The following CRIM1 variants were observed in gnomAD, a reference collection of about 807,000 sequenced individuals.
The protein encoded by CRIM1 is cysteine-rich motor neuron 1 protein.
A neutral mutation model predicts 116.4 loss-of-function variants in CRIM1; 32 were observed. The ratio of observed to expected loss-of-function variants is 0.27; its 90% CI spans 0.21 to 0.37. The LOEUF (loss-of-function observed/expected upper bound fraction) is 0.37. Ranked by LOEUF, CRIM1 falls within the 10% of genes least tolerant of loss-of-function variation. The probability of loss-of-function intolerance (pLI) is 1.00; values close to 1 mark genes in which losing one functional copy is unlikely to be tolerated. For synonymous variants in CRIM1, 590 were observed against 509.2 expected (o/e 1.16, Z -2.13); for missense variants, 1,331 against 1,354.8 (o/e 0.98, Z 0.28).
intron 5 of CRIM1, among the ~76,000 whole-genome samples, chr2:36,469,487 T>C (rs1678319199): frequency 6.6e-6 from 1 of 152,188 alleles, no homozygotes. Flanking sequence ...TACGAAAGGC[T>C]AATAAAAACT....
At chr2:36,543,392 G>T (rs1667090200) in intron 14 of CRIM1, among the ~76,000 whole-genome samples, 1 of 152,078 alleles carries the variant, frequency 6.6e-6, no homozygotes, top group South Asian at 2.1e-4. Flanking sequence ...TGAGCAGAGG[G>T]GATTATTAAT....
intron 2 of CRIM1, among the ~76,000 whole-genome samples, chr2:36,412,565 ATTAT>A (rs1673296451): frequency 6.6e-6 from 1 of 152,150 alleles, no homozygotes. Context: ...ATGGATTTGT[ATTAT>A]TTGTGTATTC....
intron 2 of CRIM1, among the ~76,000 whole-genome samples, chr2:36,422,596 C>T (rs1572696340): frequency 6.6e-6 from 1 of 152,256 alleles, no homozygotes; most frequent in East Asian, 1.9e-4. Context: ...AAGGGGCAAG[C>T]TCTGCTTCTG....
At chr2:36,404,282 T>C (rs1672623720) in intron 2 of CRIM1, among the ~76,000 whole-genome samples, 1 of 152,190 alleles carries the variant, frequency 6.6e-6, no homozygotes, top group Non-Finnish European at 1.5e-5. Flanking sequence ...TTGACTAATT[T>C]ATACTCCCTT....
intron 2 of CRIM1, among the ~76,000 whole-genome samples, chr2:36,409,986 G>T (rs919994441): frequency 2.6e-5 from 4 of 152,256 alleles, no homozygotes; most frequent in Admixed American, 1.3e-4. Flanking sequence ...GATTCCCATT[G>T]GTTGATGATA....
intron 8 of CRIM1, among the ~76,000 whole-genome samples, chr2:36,501,331 A>G (rs1415040331): frequency 6.6e-6 from 1 of 152,210 alleles, no homozygotes; most frequent in Admixed American, 6.5e-5. Context: ...ATTTTTGAAG[A>G]AGATACAAAA....
At chr2:36,491,542 CTCT>C (rs1680225613) in intron 7 of CRIM1, among the ~76,000 whole-genome samples, 1 of 152,152 alleles carries the variant, frequency 6.6e-6, no homozygotes, top group Non-Finnish European at 1.5e-5. Context: ...TGAATGGGAG[CTCT>C]TCTTTGCCAA....
Position 36,499,293 on chromosome 2 carries a change from A to G in CRIM1, c.1447A>G (p.Ile483Val), listed in dbSNP as rs1680821795. 2.0e-5 allele frequency: 32 copies of G among 1,614,148 alleles called. No individual in the cohort carries two copies. The highest frequency in any genetic ancestry group is 2.6e-5 in the Non-Finnish European group (31 of 1,179,974). ...SNCTLTGKDC[I>V]NGFKRDHNGC... is the part of the protein sequence containing the mutation. ...CTGCACTCTGACAGGGAAGGACTGC[A>G]TTAATGGTTTCAAACGCGATCACAA... The change falls in exon 8 of 17, where the codon ATT becomes GTT. Residue 483 changes from isoleucine (I) to valine (V), a missense_variant. This residue lies in a region of CRIM1 where 690 missense variants were observed against 676.0 expected (regional missense o/e 1.02). Coordinates refer to ENST00000280527, the MANE Select transcript of CRIM1 (RefSeq NM_016441.3).
At chr2:36,457,185 C>T (rs1677202327) in intron 4 of CRIM1, among the ~76,000 whole-genome samples, 1 of 151,616 alleles carries the variant, frequency 6.6e-6, no homozygotes, top group Non-Finnish European at 1.5e-5. Flanking sequence ...TTTTGGGAAA[C>T]AGGTAGTATT....
intron 2 of CRIM1, among the ~76,000 whole-genome samples, chr2:36,413,960 A>G (rs1016471154): frequency 2.0e-5 from 3 of 152,252 alleles, no homozygotes; most frequent in Non-Finnish European, 4.4e-5. Context: ...TAATTAAAAA[A>G]TATACATCAT....
At position 36,418,534 on chromosome 2, in the gene CRIM1, A is replaced by G. The variant is rs530566693; in HGVS notation, c.505+21747A>G. 2.1e-4 allele frequency among the ~76,000 whole-genome samples: 32 copies of G among 152,144 alleles called. 1 individual carries two copies. The Middle Eastern group carries it at 0.037, about 178-fold the overall frequency. On this transcript the variant is annotated intron_variant, in intron 2 of 16. Coordinates refer to ENST00000280527, the MANE Select transcript of CRIM1 (RefSeq NM_016441.3). ...ACTCCTGGGCTCAGGCAGTCCACCC[A>G]CCTCGGCCTCCCAAAGTGCTGGCAT...
chr2:36,437,789 A>G (rs1209990776), intron 2 of CRIM1, among the ~76,000 whole-genome samples: 2 of 152,160 alleles, frequency 1.3e-5, no homozygotes, highest in African/African-American at 4.8e-5. Context: ...TCGAACTGCA[A>G]AACACACGTC....
intron 4 of CRIM1, among the ~76,000 whole-genome samples, chr2:36,456,022 C>T (rs1450568589): frequency 6.6e-6 from 1 of 152,172 alleles, no homozygotes; most frequent in Non-Finnish European, 1.5e-5. Flanking sequence ...TCTGTTTCAG[C>T]ACTAGCTCAG....
At chr2:36,432,917 G>C (rs1341800671) in intron 2 of CRIM1, among the ~76,000 whole-genome samples, 1 of 152,074 alleles carries the variant, frequency 6.6e-6, no homozygotes, top group Non-Finnish European at 1.5e-5. Context: ...GGGCAGCCGA[G>C]GTTGACAGTC....
intron 1 of CRIM1, among the ~76,000 whole-genome samples, chr2:36,357,062 C>G (rs894159112): frequency 6.6e-6 from 1 of 152,196 alleles, no homozygotes; most frequent in Non-Finnish European, 1.5e-5. Context: ...GCACGCCGGC[C>G]GCGAAAGTCC....
chr2:36,397,531 CCA>C (rs1672115170), intron 2 of CRIM1, among the ~76,000 whole-genome samples: 1 of 152,012 alleles, frequency 6.6e-6, no homozygotes, highest in African/African-American at 2.4e-5. Context: ...TCTCGTAGCC[CCA>C]GTTTCTTCTT....
intron 3 of CRIM1, 30 bp downstream of exon 3, chr2:36,441,530 G>C: frequency 6.2e-7 from 1 of 1,600,188 alleles, no homozygotes; most frequent in Non-Finnish European, 8.5e-7. Context: ...CAGCAGCCTT[G>C]TTCCTTTGCA....
At chr2:36,416,455 G>T (rs918051) in intron 2 of CRIM1, among the ~76,000 whole-genome samples, 52,293 of 151,998 alleles carry the variant, frequency 0.34, 9,333 homozygotes, top group South Asian at 0.49. Flanking sequence ...CAATAAAGGT[G>T]CTGTGAACAG....
chr2:36,393,842 G>A (rs1018154122), intron 1 of CRIM1, among the ~76,000 whole-genome samples: 7 of 152,324 alleles, frequency 4.6e-5, no homozygotes, highest in African/African-American at 1.2e-4. Flanking sequence ...ATGTGAGAGC[G>A]ACTGGTGAAA....
Sources: gnomAD v4.1 joint callset for allele counts (sites outside exome capture counted in the v4.1 genomes callset) on GRCh38, gnomAD v4.1.1 for gene constraint, gnomAD v4.1.1 regional missense constraint, MANE v1.5 for transcripts, NCBI Gene and HGNC (gene_info 2026-07-23, HGNC 2026-07-21) for gene names.